The following ARID5B variants were observed in gnomAD, a reference collection of about 807,000 sequenced individuals.
ARID5B encodes the protein AT-rich interactive domain-containing protein 5B.
In ARID5B, 13 loss-of-function variants were observed where a neutral mutation model predicts 97.2. That is an observed-to-expected ratio of 0.13 (90% confidence interval 0.09 to 0.21). The LOEUF (loss-of-function observed/expected upper bound fraction) is 0.21, where lower values mean the gene tolerates loss of function less well. Ranked by LOEUF, ARID5B falls within the 10% of genes least tolerant of loss-of-function variation. ARID5B has a pLI of 1.00. For missense variants in ARID5B, 1,210 were observed against 1,465.3 expected (o/e 0.83, Z 2.84); for synonymous variants, 556 against 570.3 (o/e 0.97, Z 0.36).
In ARID5B at chr10:62,095,830, C is replaced by G. The variant is rs981679312; in HGVS notation, c.*2800C>G. ...CAAGCCTTTCTTTGTGCAATCAAAC[C>G]ATTGTTATTGGTAGTTCTGTAAAGG... On this transcript the variant is annotated 3_prime_UTR_variant, in exon 10 of 10. Transcript: ENST00000279873. The G allele has an allele frequency of 4.3e-6, 1 of 230,814 alleles. No individual in the cohort carries two copies. The allele number at this position is 230,814 out of a possible 1,614,324, so 14.3% of individuals were successfully genotyped here.
chr10:61,966,777 G>T (rs946219488), intron 3 of ARID5B, among the ~76,000 whole-genome samples: 2 of 152,102 alleles, frequency 1.3e-5, no homozygotes, highest in East Asian at 3.9e-4. Context: ...CATCCCTGGT[G>T]CTTTCAACCT....
chr10:61,909,369 AGGCTGGAGTGCAGT>A (rs1843763599), intron 2 of ARID5B, among the ~76,000 whole-genome samples: 1 of 118,280 alleles, frequency 8.5e-6, no homozygotes, highest in African/African-American at 3.3e-5. Context: ...TCTGTCGCCC[AGGCTGGAGTGCAGT>A]GGCGCGATCT....
At chr10:61,942,770 G>A (rs923355458) in intron 3 of ARID5B, among the ~76,000 whole-genome samples, 1 of 152,292 alleles carries the variant, frequency 6.6e-6, no homozygotes, top group South Asian at 2.1e-4. Context: ...ACTCCAGCCT[G>A]GGCGACAACA....
intron 3 of ARID5B, among the ~76,000 whole-genome samples, chr10:61,954,813 C>T (rs1838369248): frequency 6.6e-6 from 1 of 152,080 alleles, no homozygotes; most frequent in African/African-American, 2.4e-5. Flanking sequence ...TGGAGACCAG[C>T]CTGACCAACA....
At chr10:62,030,311 G>T (rs1438150775) in intron 4 of ARID5B, among the ~76,000 whole-genome samples, 1 of 152,020 alleles carries the variant, frequency 6.6e-6, no homozygotes, top group Non-Finnish European at 1.5e-5. Flanking sequence ...TGTATTTTTA[G>T]TAGAGATGGG....
Position 62,096,036 on chromosome 10 carries a change from T to C in ARID5B, c.*3006T>C, listed in dbSNP as rs1840464387. The C allele has an allele frequency of 4.3e-6, 1 of 233,046 alleles. No individual in the cohort carries two copies. The highest frequency in any genetic ancestry group is 2.2e-5 in the African/African-American group (1 of 45,346). 14.4% of individuals were successfully genotyped at this position (233,046 alleles called of 1,614,324 possible). A position where few individuals can be genotyped will look rare whatever the true frequency, so the allele number is the denominator to read the frequency against. On this transcript the variant is annotated 3_prime_UTR_variant, in exon 10 of 10. Transcript: ENST00000279873. ...TTTAATGTTTGGCAACTCCACATGATAAAAAAATAAAAACAGCCCAACCGA... is the reference window on the plus strand; with the variant it reads ...TTTAATGTTTGGCAACTCCACATGACAAAAAAATAAAAACAGCCCAACCGA...
intron 2 of ARID5B, among the ~76,000 whole-genome samples, chr10:61,933,472 G>A (rs557839008): frequency 4.6e-5 from 7 of 152,298 alleles, no homozygotes; most frequent in African/African-American, 1.7e-4. Context: ...ATCTATCAGA[G>A]GAATCACTGT....
At chr10:61,939,418 GA>G (rs1340143551) in intron 2 of ARID5B, among the ~76,000 whole-genome samples, 1 of 152,110 alleles carries the variant, frequency 6.6e-6, no homozygotes, top group Non-Finnish European at 1.5e-5. Context: ...AGCAATTAGA[GA>G]TGCTTAACAT....
chr10:62,033,928 C>A (rs1299283675), intron 4 of ARID5B, among the ~76,000 whole-genome samples: 1 of 152,148 alleles, frequency 6.6e-6, no homozygotes, highest in African/African-American at 2.4e-5. Context: ...GCTCTCAAAG[C>A]CCGTGCCCTC....
intron 2 of ARID5B, among the ~76,000 whole-genome samples, chr10:61,906,757 C>T (rs772921406): frequency 6.6e-6 from 1 of 152,142 alleles, no homozygotes; most frequent in African/African-American, 2.4e-5. Flanking sequence ...AATAGAATCT[C>T]TAGAGTTGGG....
intron 9 of ARID5B, among the ~76,000 whole-genome samples, chr10:62,087,320 G>GAAAAAAAAAAAAAAA (rs1589292422): frequency 1.3e-5 from 1 of 76,022 alleles, no homozygotes; most frequent in African/African-American, 4.9e-5. Flanking sequence ...AAAAAAAAAG[G>GAAAAAAAAAAAAAAA]AAAAAAGATC....
chr10:62,083,937 T>C (rs1840249086), intron 8 of ARID5B, among the ~76,000 whole-genome samples: 3 of 152,246 alleles, frequency 2.0e-5, no homozygotes, highest in African/African-American at 2.4e-5. Context: ...TGCTTAGTTA[T>C]GCTTTTTATT....
chr10:61,998,869 G>C (rs2132865589), intron 3 of ARID5B, among the ~76,000 whole-genome samples: 1 of 152,298 alleles, frequency 6.6e-6, no homozygotes, highest in Admixed American at 6.5e-5. Flanking sequence ...AATCACCACT[G>C]CTTTAGAACA....
At chr10:61,941,052 T>C (rs942544657) in intron 3 of ARID5B, among the ~76,000 whole-genome samples, 1 of 138,862 alleles carries the variant, frequency 7.2e-6, no homozygotes, top group African/African-American at 2.7e-5. Context: ...TTTGGAGTAG[T>C]TGTGCTGATT....
At position 62,000,355 on chromosome 10, in the gene ARID5B, T is replaced by A. The variant is rs1208754400; in HGVS notation, c.733+34T>A. ...TTTTTTTTTTTTCCTACCTGATTCTTGTGCGTGTGTGCCTAGTTGTTTTCA... is the reference window on the plus strand; with the variant it reads ...TTTTTTTTTTTTCCTACCTGATTCTAGTGCGTGTGTGCCTAGTTGTTTTCA... On this transcript the variant is annotated intron_variant, in intron 4 of 9. Transcript: ENST00000279873. This position sits in a 1 kb window ranked among gnomAD's most constrained non-coding sequence, Gnocchi z 4.4. 5.3e-6 allele frequency: 8 copies of A among 1,523,430 alleles called. No homozygotes were observed. The highest frequency in any genetic ancestry group is 7.1e-6 in the Non-Finnish European group (8 of 1,122,576). 94.4% of individuals were successfully genotyped at this position (1,523,430 alleles called of 1,614,324 possible). A position where few individuals can be genotyped will look rare whatever the true frequency, so the allele number is the denominator to read the frequency against.
intron 2 of ARID5B, among the ~76,000 whole-genome samples, chr10:61,920,146 C>A (rs1242480516): frequency 6.6e-6 from 1 of 151,904 alleles, no homozygotes; most frequent in African/African-American, 2.4e-5. Context: ...TTAATCTTTA[C>A]AGGCTTTTTG....
intron 4 of ARID5B, among the ~76,000 whole-genome samples, chr10:62,015,468 C>G (rs1159837460): frequency 6.6e-6 from 1 of 152,132 alleles, no homozygotes; most frequent in Non-Finnish European, 1.5e-5. Flanking sequence ...TGTTCTAATT[C>G]ATTTAAATAA....
chr10:61,933,768 G>A (rs1410627603), intron 2 of ARID5B, among the ~76,000 whole-genome samples: 1 of 152,178 alleles, frequency 6.6e-6, no homozygotes, highest in African/African-American at 2.4e-5. Context: ...CATTTATAGA[G>A]CACAGAGAGC....
intron 3 of ARID5B, among the ~76,000 whole-genome samples, chr10:61,997,390 A>C (rs773808686): frequency 1.3e-5 from 2 of 151,158 alleles, no homozygotes; most frequent in Non-Finnish European, 3.0e-5. Context: ...TGGTTAGAGA[A>C]AAAAAAAAGG....
Sources: gnomAD v4.1 joint callset for allele counts (sites outside exome capture counted in the v4.1 genomes callset) on GRCh38, gnomAD v4.1.1 for gene constraint, Gnocchi (gnomAD v3.1) non-coding constraint, MANE v1.5 for transcripts, NCBI Gene and HGNC (gene_info 2026-07-23, HGNC 2026-07-21) for gene names.